ADARB2: variants seen among roughly 807,000 people sequenced by gnomAD.
The protein encoded by ADARB2 is adenosine deaminase RNA specific B2 (inactive).
Under a neutral mutation model 62.2 loss-of-function variants are expected in ADARB2, and 25 were observed. The observed-to-expected ratio is 0.40, with a 90% CI of 0.29 to 0.56. The LOEUF (loss-of-function observed/expected upper bound fraction) is 0.56, where lower values mean the gene tolerates loss of function less well. Ranked by LOEUF, ADARB2 falls within the 20% of genes least tolerant of loss-of-function variation. The probability of loss-of-function intolerance (pLI) is 0.43; values close to 1 mark genes in which losing one functional copy is unlikely to be tolerated. For synonymous variants in ADARB2, 572 were observed against 500.8 expected, an observed-to-expected ratio of 1.14 and a Z score of -1.90; for missense variants, 1,071 against 1,077.4, an observed-to-expected ratio of 0.99 and a Z score of 0.08.
At chr10:1,719,341 C>G (rs1002581676) in intron 1 of ADARB2, among the ~76,000 whole-genome samples, 6 of 152,138 alleles carry the variant, frequency 3.9e-5, no homozygotes, top group African/African-American at 1.4e-4. Flanking sequence ...AATTGGGATC[C>G]CATCATTTTA....
chr10:1,298,137 T>C (rs1281381210), intron 3 of ADARB2, among the ~76,000 whole-genome samples: 1 of 152,184 alleles, frequency 6.6e-6, no homozygotes, highest in Non-Finnish European at 1.5e-5. Flanking sequence ...ATTGTCTCCA[T>C]TGTGCCTCCC....
chr10:1,657,002 TG>T (rs1834179946), intron 1 of ADARB2, among the ~76,000 whole-genome samples: 1 of 1,346 alleles, frequency 7.4e-4, no homozygotes, highest in Non-Finnish European at 0.013. Context: ...TCTAGTGTTT[TG>T]TGTGTGTGTG....
intron 3 of ADARB2, among the ~76,000 whole-genome samples, chr10:1,322,531 C>T (rs546790818): frequency 1.3e-5 from 2 of 152,038 alleles, no homozygotes; most frequent in East Asian, 1.9e-4. Context: ...AGAGATGATA[C>T]CTATGAGGCT....
intron 1 of ADARB2, among the ~76,000 whole-genome samples, chr10:1,599,196 C>T (rs929332886): frequency 6.6e-5 from 10 of 152,174 alleles, no homozygotes; most frequent in East Asian, 1.9e-4. Flanking sequence ...AGCGTTGACT[C>T]GCTTGACAAA....
chr10:1,186,688 GAGA>G (rs1836764112), intron 8 of ADARB2: 1 of 433,392 alleles, frequency 2.3e-6, no homozygotes, highest in South Asian at 1.6e-5. Flanking sequence ...GGTGCCTGCA[GAGA>G]AGAACTTGGC....
chr10:1,691,086 C>A (rs988163632), intron 1 of ADARB2, among the ~76,000 whole-genome samples: 10 of 152,174 alleles, frequency 6.6e-5, no homozygotes, highest in African/African-American at 2.4e-4. Flanking sequence ...TCAGAAGGGA[C>A]TGTATTTGGA....
At chr10:1,727,652 A>G (rs1835183087) in intron 1 of ADARB2, among the ~76,000 whole-genome samples, 1 of 152,256 alleles carries the variant, frequency 6.6e-6, no homozygotes, top group South Asian at 2.1e-4. Flanking sequence ...GAAATACAAT[A>G]GAAATCTATT....
intron 3 of ADARB2, among the ~76,000 whole-genome samples, chr10:1,299,324 T>C (rs956235868): frequency 6.6e-6 from 1 of 152,006 alleles, no homozygotes; most frequent in Non-Finnish European, 1.5e-5. Context: ...CCTGCCTCAC[T>C]GGGGGACGTG....
At chr10:1,223,678 A>G (rs529993244) in intron 6 of ADARB2, among the ~76,000 whole-genome samples, 1 of 152,300 alleles carries the variant, frequency 6.6e-6, no homozygotes, top group Admixed American at 6.5e-5. Context: ...CTATTGAGAT[A>G]ATCATGTGGT....
chr10:1,493,605 G>A (rs143567265), intron 1 of ADARB2, among the ~76,000 whole-genome samples: 1 of 152,018 alleles, frequency 6.6e-6, no homozygotes, highest in East Asian at 1.9e-4. Flanking sequence ...AATTTACCAA[G>A]TGTTTGTCCA....
At chr10:1,257,196 A>T (rs964076131) in intron 4 of ADARB2, among the ~76,000 whole-genome samples, 3 of 152,118 alleles carry the variant, frequency 2.0e-5, no homozygotes, top group African/African-American at 7.2e-5. Flanking sequence ...CCTGGGCTCA[A>T]ATCTGGCTGG....
At chr10:1,514,437 A>T (rs1831982992) in intron 1 of ADARB2, among the ~76,000 whole-genome samples, 2 of 151,798 alleles carry the variant, frequency 1.3e-5, no homozygotes, top group African/African-American at 4.8e-5. Flanking sequence ...CTCAGTGACC[A>T]TGTGGTACTG....
intron 8 of ADARB2, among the ~76,000 whole-genome samples, chr10:1,185,399 C>T (rs987962778): frequency 6.6e-6 from 1 of 152,204 alleles, no homozygotes; most frequent in Non-Finnish European, 1.5e-5. Flanking sequence ...TTATCAGGCA[C>T]CTTTGCAGGC....
At chr10:1,427,957 G>A (rs376198992) in intron 1 of ADARB2, among the ~76,000 whole-genome samples, 1 of 151,662 alleles carries the variant, frequency 6.6e-6, no homozygotes, top group South Asian at 2.1e-4. Flanking sequence ...AATGAAAAAA[G>A]CCAGTCCCAT....
At position 1,233,855 on chromosome 10, in the gene ADARB2, CAAAG is replaced by C; in HGVS notation, c.1362-14_1362-11del. ...GTCCTCGCGCCGCTTGCTAGGGTCACAAAGAGGTTTGGGGTCATTTATCACAAAC... is the reference window on the plus strand; with the variant it reads ...GTCCTCGCGCCGCTTGCTAGGGTCACAGGTTTGGGGTCATTTATCACAAAC... On this transcript the variant is annotated splice_polypyrimidine_tract_variant and intron_variant, in intron 5 of 9. Transcript: ENST00000381312. The C allele has an allele frequency of 1.2e-6, 2 of 1,611,236 alleles. No homozygotes were observed. The highest frequency in any genetic ancestry group is 1.7e-6 in the Non-Finnish European group (2 of 1,178,546).
chr10:1,701,505 ATT>A (rs374352098), intron 1 of ADARB2, among the ~76,000 whole-genome samples: 108 of 166 alleles, frequency 0.65, 51 homozygotes, highest in South Asian at 1. Context: ...GAGACCAGGC[ATT>A]CTCGCCAACA....
At chr10:1,733,572 T>C (rs999766892) in intron 1 of ADARB2, among the ~76,000 whole-genome samples, 3 of 152,234 alleles carry the variant, frequency 2.0e-5, no homozygotes, top group Non-Finnish European at 4.4e-5. Flanking sequence ...AGTGATTTAT[T>C]TTTATATACT....
At chr10:1,244,757 G>C (rs1242720677) in intron 4 of ADARB2, among the ~76,000 whole-genome samples, 1 of 152,222 alleles carries the variant, frequency 6.6e-6, no homozygotes, top group Non-Finnish European at 1.5e-5. Flanking sequence ...GGGAGGAAAA[G>C]GGAGAGACGG....
chr10:1,573,005 C>T (rs982699339), intron 1 of ADARB2, among the ~76,000 whole-genome samples: 3 of 152,240 alleles, frequency 2.0e-5, no homozygotes, highest in African/African-American at 7.2e-5. Context: ...CCAGAGTGGC[C>T]CCAGCCTGTG....
Sources: gnomAD v4.1 joint callset for allele counts (sites outside exome capture counted in the v4.1 genomes callset) on GRCh38, gnomAD v4.1.1 for gene constraint, MANE v1.5 for transcripts, NCBI Gene and HGNC (gene_info 2026-07-23, HGNC 2026-07-21) for gene names.